Variants in SYCP1 observed in about 807,000 individuals in gnomAD.
SYCP1 encodes synaptonemal complex protein 1.
Under a neutral mutation model 153.1 loss-of-function variants are expected in SYCP1, and 64 were observed. That is an observed-to-expected ratio of 0.42 (90% CI 0.34 to 0.51). The LOEUF is 0.51. SYCP1 is among the 20% of genes least tolerant of loss of function. SYCP1 has a pLI of 0.06. For synonymous variants in SYCP1, 384 were observed against 341.8 expected, an observed-to-expected ratio of 1.12 and a Z score of -1.36; for missense variants, 997 against 1,049.0, an observed-to-expected ratio of 0.95 and a Z score of 0.68.
chr1:114,905,171 T>C (rs1443253015), intron 16 of SYCP1, among the ~76,000 whole-genome samples: 1 of 152,200 alleles, frequency 6.6e-6, no homozygotes, highest in Non-Finnish European at 1.5e-5. Flanking sequence ...TGTCTGGTTT[T>C]GGAGACAAAG....
intron 27 of SYCP1, among the ~76,000 whole-genome samples, chr1:114,973,944 T>C (rs765421420): frequency 6.6e-6 from 1 of 151,986 alleles, no homozygotes; most frequent in Non-Finnish European, 1.5e-5. Flanking sequence ...TTTTGATGAA[T>C]ACTATTTGTT....
At chr1:114,869,240 A>C (rs1664957021) in intron 8 of SYCP1, among the ~76,000 whole-genome samples, 1 of 151,946 alleles carries the variant, frequency 6.6e-6, no homozygotes, top group Non-Finnish European at 1.5e-5. Context: ...TTTAATTTTC[A>C]TTTAGTTCAA....
intron 30 of SYCP1, among the ~76,000 whole-genome samples, chr1:114,991,874 A>T (rs976968163): frequency 6.6e-6 from 1 of 151,868 alleles, no homozygotes; most frequent in African/African-American, 2.4e-5. Context: ...CTCTCTTCAC[A>T]GATGACATGA....
At chr1:114,930,190 G>A (rs1669533613) in intron 23 of SYCP1, among the ~76,000 whole-genome samples, 1 of 151,910 alleles carries the variant, frequency 6.6e-6, no homozygotes, top group African/African-American at 2.4e-5. Context: ...TACAAATAAA[G>A]GAGCTCTTAG....
rs1435529550 is a variant in SYCP1, at chr1:114,855,557, T to G, written c.93T>G (p.Asp31Glu). 6.2e-7 allele frequency: 1 copy of G among 1,608,032 alleles called. No homozygotes were observed. Among genetic ancestry groups the G allele is most frequent in the Admixed American group, 1.7e-5 (1 of 59,504 alleles). ...SAVKPQTLGG[D>E]STFFKSFNKC... is the part of the protein sequence containing the mutation. ...TGAAACCTCAGACCCTGGGAGGCGA[T>G]TCCACTTTCTTCAAGGTAAATTTCC... The change falls in exon 2 of 32, where the codon GAT (aspartate) becomes GAG (glutamate). Residue 31 changes from aspartate (D) to glutamate (E), a missense_variant. Physicochemically the swap from Asp to Glu is conservative, Grantham distance 45 (BLOSUM62 2). This residue lies in a region of SYCP1 where 285 missense variants were observed against 366.1 expected (regional missense o/e 0.78). Transcript: ENST00000369522.
rs781503211 is a variant in SYCP1, at chr1:114,913,143, A to G, written c.1640A>G (p.Asp547Gly). The G allele has an allele frequency of 1.6e-5, 25 of 1,609,440 alleles. No homozygotes were observed. The East Asian group carries it at 4.9e-4, about 32-fold the overall frequency. Residue 547 changes from aspartate to glycine, a missense_variant, in exon 19 of 32, where the codon GAT becomes GGT. Coordinates refer to ENST00000369522, the MANE Select transcript of SYCP1 (RefSeq NM_003176.4). ...CTAGAACTCAAGAATCAGCAAGAAGATATTAATGTGAGTTGAAAAAGAAAG... is the reference window on the plus strand; with the variant it reads ...CTAGAACTCAAGAATCAGCAAGAAGGTATTAATGTGAGTTGAAAAAGAAAG... ...MTLELKNQQEDINNNKKQEER... is the reference protein window; with the variant it reads ...MTLELKNQQEGINNNKKQEER...
intron 5 of SYCP1, among the ~76,000 whole-genome samples, chr1:114,858,280 T>C (rs747228191): frequency 9.2e-5 from 14 of 152,164 alleles, no homozygotes; most frequent in Non-Finnish European, 1.6e-4. Context: ...CCAGCCAGAT[T>C]CTGTCACTAA....
At chr1:114,902,096 G>A (rs982399330) in intron 16 of SYCP1, among the ~76,000 whole-genome samples, 3 of 151,968 alleles carry the variant, frequency 2.0e-5, no homozygotes, top group Non-Finnish European at 2.9e-5. Context: ...GCTTCCCAAC[G>A]GGGAGGGGAG....
intron 23 of SYCP1, among the ~76,000 whole-genome samples, chr1:114,936,139 C>T (rs1025452170): frequency 5.9e-5 from 9 of 152,112 alleles, no homozygotes; most frequent in African/African-American, 1.2e-4. Context: ...TGAACATTGA[C>T]GCAAAAATCC....
intron 18 of SYCP1, among the ~76,000 whole-genome samples, chr1:114,912,178 C>T (rs930251827): frequency 6.6e-6 from 1 of 151,882 alleles, no homozygotes; most frequent in Admixed American, 6.6e-5. Flanking sequence ...ATCTAATTCT[C>T]TATTTCTGGT....
At chr1:114,945,056 G>T (rs541508690) in intron 25 of SYCP1, 74 bp downstream of exon 25, 5 of 1,071,162 alleles carry the variant, frequency 4.7e-6, no homozygotes, top group Middle Eastern at 3.1e-4. Context: ...GTGAAATCAA[G>T]ATAGTATTCT....
intron 30 of SYCP1, among the ~76,000 whole-genome samples, chr1:114,985,834 C>A (rs1318043969): frequency 3.3e-5 from 5 of 151,178 alleles, no homozygotes; most frequent in African/African-American, 7.3e-5. Flanking sequence ...ACAATTCCAG[C>A]CTTTAGAAAT....
chr1:114,950,755 T>A (rs910976300), intron 27 of SYCP1, among the ~76,000 whole-genome samples: 2 of 152,072 alleles, frequency 1.3e-5, no homozygotes, highest in African/African-American at 4.8e-5. Flanking sequence ...ATCTATAGAC[T>A]GATTATCTAG....
At chr1:114,889,837 T>C (rs745597328) in intron 15 of SYCP1, among the ~76,000 whole-genome samples, 3 of 152,172 alleles carry the variant, frequency 2.0e-5, no homozygotes, top group Non-Finnish European at 4.4e-5. Context: ...TGGTTTTAGG[T>C]CTTACATTTA....
chr1:114,971,058 T>C (rs916539931), intron 27 of SYCP1, among the ~76,000 whole-genome samples: 1 of 152,174 alleles, frequency 6.6e-6, no homozygotes, highest in African/African-American at 2.4e-5. Flanking sequence ...CATGGTGTTG[T>C]CTTTAAGAGA....
At chr1:114,860,602 A>C in intron 7 of SYCP1, 134 bp from the exon 8 acceptor site, 1 of 571,418 alleles carries the variant, frequency 1.8e-6, no homozygotes, top group Non-Finnish European at 3.0e-6. Flanking sequence ...ATTTATGAAT[A>C]ATGTGATGTA....
chr1:114,972,464 G>A (rs1672556988), intron 27 of SYCP1, among the ~76,000 whole-genome samples: 1 of 151,910 alleles, frequency 6.6e-6, no homozygotes, highest in African/African-American at 2.4e-5. Flanking sequence ...GGTTTGGTTT[G>A]CTCATGCTTT....
chr1:114,939,647 T>G (rs977922778), intron 23 of SYCP1, among the ~76,000 whole-genome samples: 2 of 152,200 alleles, frequency 1.3e-5, no homozygotes, highest in Non-Finnish European at 2.9e-5. Context: ...ATTAGTTTGT[T>G]AAGGGATATG....
rs906386877 is a variant in SYCP1 at position 114,854,917 on chromosome 1, G to A, written c.-126G>A. ...TGAGCGATTTCCCGCCTTTTCTGAGGTTCTGAGGCGGGAGCCATTGGTTCT... is the reference window on the plus strand; with the variant it reads ...TGAGCGATTTCCCGCCTTTTCTGAGATTCTGAGGCGGGAGCCATTGGTTCT... On this transcript the variant is annotated 5_prime_UTR_variant, in exon 1 of 32. Transcript: ENST00000369522. The A allele has an allele frequency of 1.3e-5, 2 of 152,176 alleles. No homozygotes were observed. Among genetic ancestry groups the A allele is most frequent in the Non-Finnish European group, 2.9e-5 (2 of 68,054 alleles). 9.4% of individuals were successfully genotyped at this position (152,176 alleles called of 1,614,324 possible). A position where few individuals can be genotyped will look rare whatever the true frequency, so the allele number is the denominator to read the frequency against.
Sources: gnomAD v4.1 joint callset for allele counts (sites outside exome capture counted in the v4.1 genomes callset) on GRCh38, gnomAD v4.1.1 for gene constraint, gnomAD v4.1.1 regional missense constraint, MANE v1.5 for transcripts, NCBI Gene and HGNC (gene_info 2026-07-23, HGNC 2026-07-21) for gene names.